Variants in ULBP2 observed in about 807,000 individuals in gnomAD.
The protein encoded by ULBP2 is UL16-binding protein 2.
In ULBP2, 21 loss-of-function variants were observed where a neutral mutation model predicts 23.6. That is an observed-to-expected ratio of 0.89 (90% CI 0.63 to 1.28). ULBP2 has a LOEUF of 1.28. Ranked by LOEUF, ULBP2 falls within the 50% of genes most tolerant of loss-of-function variation. The pLI, the probability that ULBP2 is intolerant of heterozygous loss-of-function variation, is 0.00. For missense variants in ULBP2, 251 were observed against 306.0 expected, an observed-to-expected ratio of 0.82 and a Z score of 1.34; for synonymous variants, 82 against 112.8, an observed-to-expected ratio of 0.73 and a Z score of 1.73.
At chr6:149,944,924 C>A (rs1778911427) in intron 1 of ULBP2, among the ~76,000 whole-genome samples, 1 of 146,074 alleles carries the variant, frequency 6.8e-6, no homozygotes, top group Non-Finnish European at 1.5e-5. Flanking sequence ...GGGGTGGACC[C>A]ACACCCTCTC....
intron 1 of ULBP2, among the ~76,000 whole-genome samples, chr6:149,942,424 G>C (rs1027540122): frequency 2.6e-5 from 4 of 152,156 alleles, no homozygotes; most frequent in African/African-American, 9.7e-5. Flanking sequence ...AGCGAGGTGG[G>C]GCGGGGATCC....
At position 149,942,146 on chromosome 6, in the gene ULBP2, C is replaced by A. The variant is rs757838012; in HGVS notation, c.74C>A (p.Ala25Asp). ...LLLLLSGWSR[A>D]GRADPHSLCY... ...CTCCTGCTGTCCGGCTGGTCCCGGG[C>A]TGGGCGAGCCGGTGAGTTCGTGGAT... Residue 25 changes from alanine (A) to aspartate (D), a missense_variant, in exon 1 of 5, where the codon GCT (alanine) becomes GAT (aspartate). Physicochemically the swap from Ala to Asp is moderately radical, Grantham distance 126. This residue lies in a region of ULBP2 where 248 missense variants were observed against 258.9 expected (regional missense o/e 0.96). Transcript: ENST00000367351. 2 of 1,605,864 alleles carry A rather than the reference C, an allele frequency of 1.2e-6. No homozygotes were observed.
Position 149,945,375 on chromosome 6 carries a change from C to A in ULBP2, c.152C>A (p.Ala51Glu), listed in dbSNP as rs371185580. The A allele has an allele frequency of 4.3e-6, 7 of 1,612,526 alleles. No individual in the cohort carries two copies. In the African/African-American group the frequency reaches 5.4e-5, roughly 12 times the overall value. ...PKFRPGPRWC[A>E]VQGQVDEKTF... is the part of the protein sequence containing the mutation. ...TTCAGACCTGGACCACGGTGGTGTG[C>A]GGTTCAAGGCCAGGTGGATGAAAAG... is the stretch of plus-strand genomic sequence containing the variant. Residue 51 changes from alanine (A) to glutamate (E), a missense_variant, in exon 2 of 5, where the codon GCG becomes GAG. Physicochemically the swap from Ala to Glu is moderately radical, Grantham distance 107. Around this residue, in one of 2 missense-constraint regions of ULBP2, gnomAD observed 248 missense variants for 258.9 expected, o/e 0.96. Transcript: ENST00000367351.
intron 1 of ULBP2, among the ~76,000 whole-genome samples, chr6:149,942,400 G>T (rs559124474): frequency 6.6e-6 from 1 of 152,172 alleles, no homozygotes; most frequent in Non-Finnish European, 1.5e-5. Flanking sequence ...TGGAGGGGCC[G>T]GAGGGCTGCA....
At chr6:149,947,575 A>C in intron 4 of ULBP2, 124 bp downstream of exon 4, 3 of 603,028 alleles carry the variant, frequency 5.0e-6, no homozygotes, top group Non-Finnish European at 9.0e-6. Context: ...AACATGAGAC[A>C]GGTGAATGAG....
rs374690064 is a variant in ULBP2, at chr6:149,947,796, T to A, written c.*22+345T>A. Among the ~76,000 whole-genome samples the A allele has an allele frequency of 5.8e-3, 876 of 151,496 alleles. 1 individual carries two copies. The highest frequency in any genetic ancestry group is 0.02 in the African/African-American group (821 of 41,186). On this transcript the variant is annotated intron_variant, in intron 4 of 4. Transcript: ENST00000367351. ...GTGTGTGGCCTGCAGGCAGCAGGAA[T>A]TCAGACATGGGCAGTCCTCTTAATT...
intron 3 of ULBP2, 67 bp from the exon 4 acceptor site, chr6:149,947,253 A>G (rs1442732160): frequency 3.3e-6 from 5 of 1,510,692 alleles, no homozygotes; most frequent in East Asian, 2.4e-5. Flanking sequence ...GGTGGCAGGA[A>G]CTGAGGAGGT....
Position 149,948,861 on chromosome 6 carries a change from C to G in ULBP2, c.*161C>G. 4.7e-6 allele frequency: 2 copies of G among 423,942 alleles called. No individual in the cohort carries two copies. The highest frequency in any genetic ancestry group is 5.3e-5 in the Admixed American group (2 of 37,474). The allele number at this position is 423,942 out of a possible 1,614,324, so 26.3% of individuals were successfully genotyped here. A position where few individuals can be genotyped will look rare whatever the true frequency, so the allele number is the denominator to read the frequency against. ...TGATGACATCATGGACCCAATAGCT[C>G]ATTCACTGCCTTGATTCCTTTTGCC... On this transcript the variant is annotated 3_prime_UTR_variant, in exon 5 of 5. Coordinates refer to ENST00000367351, the MANE Select transcript of ULBP2 (RefSeq NM_025217.4).
At chr6:149,943,225 A>G (rs753356370) in intron 1 of ULBP2, among the ~76,000 whole-genome samples, 3 of 151,986 alleles carry the variant, frequency 2.0e-5, no homozygotes, top group Admixed American at 1.3e-4. Flanking sequence ...AGGGGATTAC[A>G]ATGTCCCAGT....
Sources: gnomAD v4.1 joint callset for allele counts (sites outside exome capture counted in the v4.1 genomes callset) on GRCh38, gnomAD v4.1.1 for gene constraint, gnomAD v4.1.1 regional missense constraint, MANE v1.5 for transcripts, NCBI Gene and HGNC (gene_info 2026-07-23, HGNC 2026-07-21) for gene names.